RALYL: variants seen among roughly 807,000 people sequenced by gnomAD.
RALYL encodes RALY RNA binding protein like, also known as RNA-binding Raly-like protein.
In RALYL, 29 loss-of-function variants were observed where a neutral mutation model predicts 35.1. That is an observed-to-expected ratio of 0.83 (90% CI 0.61 to 1.13). The LOEUF is 1.13. RALYL is among the 50% of genes most tolerant of loss of function. The probability of loss-of-function intolerance (pLI) is 0.00; values close to 1 mark genes in which losing one functional copy is unlikely to be tolerated. For synonymous variants in RALYL, 120 were observed against 127.6 expected, an observed-to-expected ratio of 0.94 and a Z score of 0.40; for missense variants, 359 against 360.4, an observed-to-expected ratio of 1.00 and a Z score of 0.03.
chr8:84,629,791 C>A (rs151261830), intron 2 of RALYL, among the ~76,000 whole-genome samples: 1 of 151,838 alleles, frequency 6.6e-6, no homozygotes, highest in Non-Finnish European at 1.5e-5. Flanking sequence ...ATTATTTTCC[C>A]CTTTTGTGTG....
chr8:84,539,860 A>ATATATATG (rs2059887646), intron 2 of RALYL, among the ~76,000 whole-genome samples: 2 of 74,270 alleles, frequency 2.7e-5, no homozygotes, highest in African/African-American at 1.1e-4. Flanking sequence ...ATATGTATAT[A>ATATATATG]TATATATATA....
At chr8:84,664,670 T>C (rs535933128) in intron 2 of RALYL, among the ~76,000 whole-genome samples, 1 of 152,258 alleles carries the variant, frequency 6.6e-6, no homozygotes, top group South Asian at 2.1e-4. Context: ...TTTTTGAATA[T>C]TGATTTTGTA....
At chr8:84,580,809 T>C (rs1472141704) in intron 2 of RALYL, among the ~76,000 whole-genome samples, 1 of 152,166 alleles carries the variant, frequency 6.6e-6, no homozygotes, top group Non-Finnish European at 1.5e-5. Context: ...AAAATCACCA[T>C]TTTATTATGC....
At chr8:84,858,135 TAA>T (rs542025106) in intron 5 of RALYL, among the ~76,000 whole-genome samples, 14 of 152,080 alleles carry the variant, frequency 9.2e-5, no homozygotes, top group Non-Finnish European at 1.9e-4. Context: ...TGCTAGCTAA[TAA>T]AGTTACATAT....
At chr8:84,446,423 C>G (rs937679446) in intron 1 of RALYL, among the ~76,000 whole-genome samples, 1 of 151,944 alleles carries the variant, frequency 6.6e-6, no homozygotes, top group South Asian at 2.1e-4. Context: ...ATTCATGGAT[C>G]TAGCTCTGGA....
In RALYL at chr8:84,835,893, G is replaced by A. The variant is rs545274313; in HGVS notation, c.366-14087G>A. On this transcript the variant is annotated intron_variant, in intron 4 of 8. Coordinates refer to ENST00000521268, the MANE Select transcript of RALYL (RefSeq NM_173848.7). ...GAGTAGAGCCAGACAGAGCGTAGGT[G>A]CTGAGAAATGCTGACGGATTAAAAG... Among the ~76,000 whole-genome samples, 69 of 152,070 alleles carry A rather than the reference G, an allele frequency of 4.5e-4. No homozygotes were observed. In the South Asian group the frequency reaches 8.9e-3, roughly 20 times the overall value.
intron 7 of RALYL, among the ~76,000 whole-genome samples, chr8:84,874,962 A>G (rs1452071020): frequency 1.3e-5 from 2 of 152,196 alleles, no homozygotes; most frequent in Non-Finnish European, 2.9e-5. Context: ...TACCTAGCAC[A>G]TGGTCAACTC....
intron 1 of RALYL, among the ~76,000 whole-genome samples, chr8:84,439,469 T>C (rs746298449): frequency 1.3e-5 from 2 of 152,142 alleles, no homozygotes; most frequent in African/African-American, 4.8e-5. Flanking sequence ...TGCACTTAGA[T>C]AGAAGACTTT....
intron 1 of RALYL, among the ~76,000 whole-genome samples, chr8:84,315,432 A>C (rs914193192): frequency 4.6e-5 from 7 of 152,170 alleles, no homozygotes; most frequent in African/African-American, 1.7e-4. Flanking sequence ...TATTTGTTGA[A>C]TATGCAACAT....
chr8:84,449,094 T>C (rs901504818), intron 1 of RALYL, among the ~76,000 whole-genome samples: 29 of 150,722 alleles, frequency 1.9e-4, no homozygotes, highest in Non-Finnish European at 2.2e-4. Flanking sequence ...TTTTTTTTTT[T>C]GCTGGTGTGC....
intron 3 of RALYL, among the ~76,000 whole-genome samples, chr8:84,798,389 TTTAAG>T (rs1822429990): frequency 6.6e-6 from 1 of 152,234 alleles, no homozygotes; most frequent in Admixed American, 6.5e-5. Context: ...CCACTATTTA[TTTAAG>T]TTATTTAGTT....
At chr8:84,680,441 A>G (rs1195475271) in intron 2 of RALYL, among the ~76,000 whole-genome samples, 2 of 152,080 alleles carry the variant, frequency 1.3e-5, no homozygotes, top group East Asian at 1.9e-4. Flanking sequence ...TTCCACAATG[A>G]TTGAACTAGT....
At chr8:84,389,372 C>A (rs1205702533) in intron 1 of RALYL, among the ~76,000 whole-genome samples, 1 of 151,972 alleles carries the variant, frequency 6.6e-6, no homozygotes, top group Non-Finnish European at 1.5e-5. Flanking sequence ...TTTTCCAATT[C>A]TGTGAAGAAA....
intron 1 of RALYL, among the ~76,000 whole-genome samples, chr8:84,289,201 A>G (rs556171379): frequency 6.6e-6 from 1 of 152,284 alleles, no homozygotes; most frequent in Admixed American, 6.5e-5. Context: ...ATCTCCCTTG[A>G]TGTTTACATT....
chr8:84,521,671 C>A (rs1008661218), intron 1 of RALYL, among the ~76,000 whole-genome samples: 7 of 152,166 alleles, frequency 4.6e-5, no homozygotes, highest in African/African-American at 1.7e-4. Context: ...TTATATTTAA[C>A]AAATAATTGT....
intron 2 of RALYL, among the ~76,000 whole-genome samples, chr8:84,692,555 A>C (rs1010906810): frequency 1.3e-5 from 2 of 152,034 alleles, no homozygotes; most frequent in African/African-American, 4.8e-5. Context: ...TCACAAATTA[A>C]TCTATAGATT....
At chr8:84,674,245 A>G (rs1833783877) in intron 2 of RALYL, among the ~76,000 whole-genome samples, 1 of 152,184 alleles carries the variant, frequency 6.6e-6, no homozygotes, top group Non-Finnish European at 1.5e-5. Context: ...ACTTTGCTGA[A>G]GTTGCTTATT....
chr8:84,702,707 T>C (rs1281911070), intron 2 of RALYL, among the ~76,000 whole-genome samples: 1 of 152,136 alleles, frequency 6.6e-6, no homozygotes, highest in Non-Finnish European at 1.5e-5. Context: ...TATACATTTA[T>C]ATTAAAAGTA....
chr8:84,749,976 G>C (rs1018816382), intron 2 of RALYL, among the ~76,000 whole-genome samples: 1 of 152,144 alleles, frequency 6.6e-6, no homozygotes, highest in South Asian at 2.1e-4. Flanking sequence ...AAATCACTGA[G>C]CTAAATTATT....
Sources: gnomAD v4.1 joint callset for allele counts (sites outside exome capture counted in the v4.1 genomes callset) on GRCh38, gnomAD v4.1.1 for gene constraint, MANE v1.5 for transcripts, NCBI Gene and HGNC (gene_info 2026-07-23, HGNC 2026-07-21) for gene names.